The following DYRK1A variants were observed in gnomAD, a reference collection of about 807,000 sequenced individuals.
DYRK1A encodes the protein dual specificity tyrosine phosphorylation regulated kinase 1A, also known as dual specificity tyrosine-phosphorylation-regulated kinase 1A.
DYRK1A carries 9 observed loss-of-function variants against 79.7 expected under a neutral mutation model. That is an observed-to-expected ratio of 0.11 (90% confidence interval 0.07 to 0.20). The LOEUF (loss-of-function observed/expected upper bound fraction) is 0.20. DYRK1A is among the 10% of genes least tolerant of loss of function. The probability of loss-of-function intolerance (pLI) is 1.00; values close to 1 mark genes in which losing one functional copy is unlikely to be tolerated. For synonymous variants in DYRK1A, 349 were observed against 329.7 expected (o/e 1.06, Z -0.63); for missense variants, 622 against 956.0 (o/e 0.65, Z 4.61).
intron 9 of DYRK1A, chr21:37,503,339 T>C (rs2053505784): frequency 6.6e-6 from 1 of 152,292 alleles, no homozygotes; most frequent in South Asian, 2.1e-4. Context: ...ATAATTTCTT[T>C]TTCTGTCTTC....
intron 9 of DYRK1A, chr21:37,504,934 C>T (rs2053550881): frequency 5.0e-6 from 1 of 200,882 alleles, no homozygotes; most frequent in Non-Finnish European, 1.0e-5. Flanking sequence ...GCCTTGTGGA[C>T]CTCTGTTGCA....
rs2053884895 is a variant in DYRK1A at position 37,516,768 on chromosome 21, A to C, written c.*4237A>C. The C allele has an allele frequency of 1.3e-5, 2 of 152,172 alleles. No individual in the cohort carries two copies. The allele number at this position is 152,172 out of a possible 1,614,324, so 9.4% of individuals were successfully genotyped here. On this transcript the variant is annotated 3_prime_UTR_variant, in exon 12 of 12. Transcript: ENST00000647188. ...TGCTCTCAGTGGGTGTTCTTGCATCAGAACTTTAAAAAAAATAACACTACC... is the reference window on the plus strand; with the variant it reads ...TGCTCTCAGTGGGTGTTCTTGCATCCGAACTTTAAAAAAAATAACACTACC...
At position 37,517,066 on chromosome 21, in the gene DYRK1A, CCTT is replaced by C. The variant is rs536254477; in HGVS notation, c.*4540_*4542del. The C allele has an allele frequency of 3.9e-4, 60 of 152,316 alleles. No homozygotes were observed. Among genetic ancestry groups the C allele is most frequent in the East Asian group, 2.7e-3 (14 of 5,196 alleles). The allele number at this position is 152,316 out of a possible 1,614,324, so 9.4% of individuals were successfully genotyped here. A position where few individuals can be genotyped will look rare whatever the true frequency, so the allele number is the denominator to read the frequency against. ...GTCATCCCCAGCAAAACCTGTGAATCCTTCTTCAAAGCATAGAGGAGGCAGAGA... is the reference window on the plus strand; with the variant it reads ...GTCATCCCCAGCAAAACCTGTGAATCCTTCAAAGCATAGAGGAGGCAGAGA... On this transcript the variant is annotated 3_prime_UTR_variant, in exon 12 of 12. Transcript: ENST00000647188.
intron 11 of DYRK1A, among the ~76,000 whole-genome samples, chr21:37,509,910 G>A (rs555703309): frequency 6.6e-6 from 1 of 152,216 alleles, no homozygotes; most frequent in Non-Finnish European, 1.5e-5. Context: ...TTTAAATTCT[G>A]TTATGAGTAG....
chr21:37,512,642 C>G lies in DYRK1A; in HGVS notation c.*111C>G. 1 of 1,311,052 alleles carries G rather than the reference C, an allele frequency of 7.6e-7. No homozygotes were observed. Among genetic ancestry groups the G allele is most frequent in the Non-Finnish European group, 1.0e-6 (1 of 955,922 alleles). 81.2% of individuals were successfully genotyped at this position (1,311,052 alleles called of 1,614,324 possible). On this transcript the variant is annotated 3_prime_UTR_variant, in exon 12 of 12. Coordinates refer to ENST00000647188, the MANE Select transcript of DYRK1A (RefSeq NM_001347721.2). ...TCAGGAGGAGATTAACACACTGAAC[C>G]GCTACAAGAGGGCAAAGCTGATTTT...
chr21:37,514,173 T>C lies in DYRK1A; in HGVS notation c.*1642T>C, dbSNP rs1301806585. 1 of 152,674 alleles carries C rather than the reference T, an allele frequency of 6.5e-6. No individual in the cohort carries two copies. The highest frequency in any genetic ancestry group is 1.5e-5 in the Non-Finnish European group (1 of 68,048). The allele number at this position is 152,674 out of a possible 1,614,324, so 9.5% of individuals were successfully genotyped here. A position where few individuals can be genotyped will look rare whatever the true frequency, so the allele number is the denominator to read the frequency against. On this transcript the variant is annotated 3_prime_UTR_variant, in exon 12 of 12. Transcript: ENST00000647188. ...GTAAACTTGAAAGCAAGACCTTGATTGCACCAACAGGTCCAGAGTATGAGT... is the reference window on the plus strand; with the variant it reads ...GTAAACTTGAAAGCAAGACCTTGATCGCACCAACAGGTCCAGAGTATGAGT...
chr21:37,508,501 G>A (rs1421422324), intron 11 of DYRK1A, among the ~76,000 whole-genome samples: 1 of 152,152 alleles, frequency 6.6e-6, no homozygotes, highest in Non-Finnish European at 1.5e-5. Context: ...TGGCCAGGCT[G>A]GTCATGAACT....
chr21:37,370,950 C>T (rs2049417360), intron 1 of DYRK1A, among the ~76,000 whole-genome samples: 1 of 152,106 alleles, frequency 6.6e-6, no homozygotes, highest in African/African-American at 2.4e-5. Context: ...TTTTAAAAGA[C>T]TTTTTACCAG....
intron 1 of DYRK1A, among the ~76,000 whole-genome samples, chr21:37,407,519 A>G (rs11088392): frequency 0.043 from 6,515 of 152,292 alleles, 187 homozygotes; most frequent in Middle Eastern, 0.092. Context: ...TGGTTTTATG[A>G]TTAAACCTTT....
At chr21:37,449,866 A>G (rs1182252445) in intron 2 of DYRK1A, among the ~76,000 whole-genome samples, 2 of 152,242 alleles carry the variant, frequency 1.3e-5, no homozygotes, top group African/African-American at 4.8e-5. Context: ...ACAGAAACCC[A>G]TTCCTGGCCA....
At chr21:37,452,757 G>GTTTTTTT in intron 2 of DYRK1A, among the ~76,000 whole-genome samples, 1 of 96,548 alleles carries the variant, frequency 1.0e-5, no homozygotes, top group Non-Finnish European at 2.0e-5. Context: ...TCACACTCCC[G>GTTTTTTT]TTTTTTTTTT....
chr21:37,443,156 C>A (rs546647058), intron 2 of DYRK1A, among the ~76,000 whole-genome samples: 2 of 151,598 alleles, frequency 1.3e-5, no homozygotes, highest in East Asian at 3.9e-4. Context: ...TTTTTTTTTC[C>A]CCTTTCTTTT....
Position 37,472,846 on chromosome 21 carries a change from A to G in DYRK1A, c.173A>G (p.Tyr58Cys), listed in dbSNP as rs1041691170. The change falls in exon 3 of 12, where the codon TAT becomes TGT. Residue 58 changes from tyrosine (Y) to cysteine (C), a missense_variant. Coordinates refer to ENST00000647188, the MANE Select transcript of DYRK1A (RefSeq NM_001347721.2). ...GACCAACAGGTTTCTGCCTTATCAT[A>G]TTCTGACCAGATTCAGCAACCTCTA... ...ISDQQVSALS[Y>C]SDQIQQPLTN... is the part of the protein sequence containing the mutation. 6.3e-7 allele frequency: 1 copy of G among 1,597,852 alleles called. No homozygotes were observed. Among genetic ancestry groups the G allele is most frequent in the Non-Finnish European group, 8.6e-7 (1 of 1,169,168 alleles).
rs564587311 is a variant in DYRK1A at position 37,446,227 on chromosome 21, C to G, written c.10+25843C>G. On this transcript the variant is annotated intron_variant, in intron 2 of 11. Transcript: ENST00000647188. ...TGAGCATTGGGCCTCTCAACGCTCT[C>G]ATTTTGCATGTAATGGATTACATTG... 5.3e-5 allele frequency among the ~76,000 whole-genome samples: 8 copies of G among 152,294 alleles called. No homozygotes were observed. The South Asian group carries it at 8.3e-4, about 16-fold the overall frequency.
intron 9 of DYRK1A, chr21:37,501,189 T>TA (rs1239970965): frequency 7.1e-6 from 1 of 140,360 alleles, no homozygotes; most frequent in Non-Finnish European, 1.6e-5. Context: ...TTTTTTTTTT[T>TA]AAGACGGAGT....
intron 2 of DYRK1A, among the ~76,000 whole-genome samples, chr21:37,466,911 A>T (rs2052045104): frequency 6.6e-6 from 1 of 152,112 alleles, no homozygotes; most frequent in South Asian, 2.1e-4. Context: ...GGTGAAGAGG[A>T]TATCACAAAA....
intron 1 of DYRK1A, among the ~76,000 whole-genome samples, chr21:37,416,971 T>C (rs1411830121): frequency 6.7e-6 from 1 of 149,054 alleles, no homozygotes; most frequent in Non-Finnish European, 1.5e-5. Context: ...TCATACTGAT[T>C]TTTTTTCATC....
intron 9 of DYRK1A, among the ~76,000 whole-genome samples, chr21:37,500,968 T>A (rs911365389): frequency 6.6e-6 from 1 of 151,520 alleles, no homozygotes; most frequent in Non-Finnish European, 1.5e-5. Context: ...TGATCTAGTT[T>A]CTATTCTGTT....
At chr21:37,462,090 T>C (rs1304027401) in intron 2 of DYRK1A, among the ~76,000 whole-genome samples, 2 of 152,176 alleles carry the variant, frequency 1.3e-5, no homozygotes, top group African/African-American at 4.8e-5. Flanking sequence ...CATGTTTTCC[T>C]TTATATTTTA....
Sources: allele counts gnomAD v4.1 joint callset (sites outside exome capture counted in the v4.1 genomes callset), GRCh38; gene constraint gnomAD v4.1.1; transcripts MANE v1.5; gene names NCBI Gene and HGNC (gene_info 2026-07-23, HGNC 2026-07-21).